Variants in PTPRN2 observed in about 807,000 individuals in gnomAD.
The protein encoded by PTPRN2 is protein tyrosine phosphatase receptor type N2.
Under a neutral mutation model 118.8 loss-of-function variants are expected in PTPRN2, and 74 were observed. That is an observed-to-expected ratio of 0.62 (90% confidence interval 0.52 to 0.76). The LOEUF (loss-of-function observed/expected upper bound fraction) is 0.76. PTPRN2 is among the 30% of genes least tolerant of loss of function. The pLI, the probability that PTPRN2 is intolerant of heterozygous loss-of-function variation, is 0.00. For missense variants in PTPRN2, 1,481 were observed against 1,394.4 expected (o/e 1.06, Z -0.99); for synonymous variants, 641 against 608.0 (o/e 1.05, Z -0.80).
intron 2 of PTPRN2, among the ~76,000 whole-genome samples, chr7:158,387,577 A>ACTC (rs1586542379): frequency 6.5e-3 from 965 of 148,568 alleles, no homozygotes; most frequent in South Asian, 8.1e-3. Flanking sequence ...CTGTCAGCTC[A>ACTC]GCTTGGCCCG....
intron 11 of PTPRN2, among the ~76,000 whole-genome samples, chr7:158,012,367 G>T (rs571407027): frequency 1.3e-5 from 2 of 152,044 alleles, no homozygotes; most frequent in Non-Finnish European, 2.9e-5. Context: ...TCACTCAGAC[G>T]GCAAATATTT....
At chr7:158,412,073 G>C (rs1814152904) in intron 2 of PTPRN2, among the ~76,000 whole-genome samples, 2 of 124,990 alleles carry the variant, frequency 1.6e-5, no homozygotes, top group Non-Finnish European at 3.3e-5. Context: ...GGCCCATCCA[G>C]CACCCTCCTT....
At chr7:158,061,457 G>A (rs557086855) in intron 11 of PTPRN2, among the ~76,000 whole-genome samples, 5 of 152,206 alleles carry the variant, frequency 3.3e-5, no homozygotes, top group South Asian at 2.1e-4. Context: ...ACAAGCGCTC[G>A]GCAGAGAAAT....
At chr7:158,437,465 A>G (rs1816649705) in intron 2 of PTPRN2, among the ~76,000 whole-genome samples, 1 of 152,216 alleles carries the variant, frequency 6.6e-6, no homozygotes, top group African/African-American at 2.4e-5. Context: ...AAATTCAGAC[A>G]TTACATATGA....
intron 2 of PTPRN2, among the ~76,000 whole-genome samples, chr7:158,465,911 C>T (rs1670363): frequency 0.69 from 105,089 of 152,136 alleles, 36,550 homozygotes; most frequent in Admixed American, 0.78. Flanking sequence ...CGCAGTCACA[C>T]GTGCTGAGCA....
chr7:158,366,788 G>C (rs970628478), intron 2 of PTPRN2, among the ~76,000 whole-genome samples: 1 of 152,232 alleles, frequency 6.6e-6, no homozygotes, highest in Non-Finnish European at 1.5e-5. Context: ...GGTTACCAGA[G>C]ATCCAAAGCT....
chr7:157,800,721 G>A (rs1384387132), intron 12 of PTPRN2, among the ~76,000 whole-genome samples: 1 of 150,704 alleles, frequency 6.6e-6, no homozygotes, highest in Non-Finnish European at 1.5e-5. Flanking sequence ...GGGAGGCCGA[G>A]GCGGGCGGAT....
At chr7:157,644,828 G>C (rs1444034216) in intron 14 of PTPRN2, among the ~76,000 whole-genome samples, 1 of 150,890 alleles carries the variant, frequency 6.6e-6, no homozygotes, top group Admixed American at 6.6e-5. Flanking sequence ...AAAAACAAAA[G>C]AAAACAAAAC....
intron 2 of PTPRN2, among the ~76,000 whole-genome samples, chr7:158,387,225 A>T (rs1212928997): frequency 6.6e-6 from 1 of 152,232 alleles, no homozygotes; most frequent in Non-Finnish European, 1.5e-5. Context: ...TCCTGGTACC[A>T]CATGGGAGAC....
chr7:158,264,973 G>A (rs1271815289), intron 3 of PTPRN2, among the ~76,000 whole-genome samples: 1 of 152,024 alleles, frequency 6.6e-6, no homozygotes, highest in Non-Finnish European at 1.5e-5. Flanking sequence ...GAGCAGTCGA[G>A]GTCCGCCTGT....
chr7:158,056,450 T>C lies in PTPRN2; in HGVS notation c.1723+24848A>G, dbSNP rs536867997. ...AGGGGAAAGTGTTGGGAAAAACACA[T>C]TTGTAAAAATCACTTTTGTGTGCAT... On this transcript the variant is annotated intron_variant, in intron 11 of 22. Transcript: ENST00000389418. Among the ~76,000 whole-genome samples the C allele has an allele frequency of 3.9e-5, 6 of 152,316 alleles. No homozygotes were observed. In the East Asian group the frequency reaches 9.7e-4, roughly 25 times the overall value.
intron 1 of PTPRN2, among the ~76,000 whole-genome samples, chr7:158,568,248 C>A (rs1038805486): frequency 1.3e-4 from 19 of 151,910 alleles, no homozygotes; most frequent in Non-Finnish European, 2.6e-4. Flanking sequence ...GAGACTCTGT[C>A]TAATAATAAT....
chr7:157,924,916 ATTTAG>A (rs1798884555), intron 11 of PTPRN2, among the ~76,000 whole-genome samples: 2 of 87,966 alleles, frequency 2.3e-5, no homozygotes, highest in Non-Finnish European at 2.3e-5. Flanking sequence ...AGGCACCTGC[ATTTAG>A]CACGTCAGGC....
intron 16 of PTPRN2, among the ~76,000 whole-genome samples, chr7:157,602,938 C>T (rs1330650906): frequency 1.3e-5 from 2 of 152,244 alleles, no homozygotes; most frequent in African/African-American, 4.8e-5. Context: ...CTGCAGGCAC[C>T]ATGTTTGATT....
At chr7:158,542,522 A>G (rs1316358181) in intron 1 of PTPRN2, among the ~76,000 whole-genome samples, 2 of 152,194 alleles carry the variant, frequency 1.3e-5, no homozygotes, top group Non-Finnish European at 2.9e-5. Context: ...TGCATCAGTT[A>G]TGGGAAAGAA....
rs1349872144 is a variant in PTPRN2, at chr7:157,903,014, G to C, written c.1724-4277C>G. Among the ~76,000 whole-genome samples, 9 of 152,136 alleles carry C rather than the reference G, an allele frequency of 5.9e-5. No homozygotes were observed. Among genetic ancestry groups the C allele is most frequent in the Non-Finnish European group, 7.3e-5 (5 of 68,038 alleles). On this transcript the variant is annotated intron_variant, in intron 11 of 22. Coordinates refer to ENST00000389418, the MANE Select transcript of PTPRN2 (RefSeq NM_002847.5). The surrounding 1 kb of genome is among the most constrained non-coding windows in gnomAD (Gnocchi z 4.2). ...CTTCAACAAATACATCCACGTTGCT[G>C]CAAAGGACACAATTTGGGGCCACCA...
intron 2 of PTPRN2, among the ~76,000 whole-genome samples, chr7:158,480,106 C>A (rs1481369022): frequency 6.6e-6 from 1 of 152,202 alleles, no homozygotes; most frequent in East Asian, 1.9e-4. Context: ...TTCCTAGGAG[C>A]ACGTTCCAGC....
At position 157,749,254 on chromosome 7, in the gene PTPRN2, G is replaced by C. The variant is rs13228354; in HGVS notation, c.1789-66317C>G. ...TGGGCTGTTGAGGTGATTCTGAGGC[G>C]TGCGTCCCTGAGCTGTGAACTGCCC... On this transcript the variant is annotated intron_variant, in intron 12 of 22. Transcript: ENST00000389418. 3.6e-3 allele frequency among the ~76,000 whole-genome samples: 251 copies of C among 70,228 alleles called. 1 individual carries two copies. Among genetic ancestry groups the C allele is most frequent in the Non-Finnish European group, 3.9e-3 (142 of 36,378 alleles). The allele number at this position is 70,228 out of a possible 152,430, so 46.1% of individuals were successfully genotyped here.
intron 12 of PTPRN2, among the ~76,000 whole-genome samples, chr7:157,815,819 G>A (rs1806361196): frequency 6.6e-6 from 1 of 152,234 alleles, no homozygotes; most frequent in Admixed American, 6.5e-5. Context: ...ACAAAGCAGA[G>A]GCTAAGCAGT....
Sources: allele counts gnomAD v4.1 joint callset (sites outside exome capture counted in the v4.1 genomes callset), GRCh38; gene constraint gnomAD v4.1.1; non-coding constraint Gnocchi (gnomAD v3.1); transcripts MANE v1.5; gene names NCBI Gene and HGNC (gene_info 2026-07-23, HGNC 2026-07-21).